SCN3B: variants seen among roughly 807,000 people sequenced by gnomAD.
The protein encoded by SCN3B is sodium voltage-gated channel beta subunit 3, also known as sodium channel regulatory subunit beta-3.
Under a neutral mutation model 25.4 loss-of-function variants are expected in SCN3B, and 11 were observed. That is an observed-to-expected ratio of 0.43 (90% confidence interval 0.27 to 0.72). SCN3B has a LOEUF of 0.72. Among genes scored for constraint, SCN3B ranks in the 30% least tolerant of loss-of-function variants. The probability of loss-of-function intolerance (pLI) is 0.18; values close to 1 mark genes in which losing one functional copy is unlikely to be tolerated. For missense variants in SCN3B, 218 were observed against 278.3 expected (o/e 0.78, Z 1.54); for synonymous variants, 109 against 110.7 (o/e 0.99, Z 0.09).
rs368979661 is a variant in SCN3B, at chr11:123,645,701, G to C, written c.105C>G (p.Ala35=). 1.9e-6 allele frequency: 3 copies of C among 1,613,962 alleles called. No individual in the cohort carries two copies. Among genetic ancestry groups the C allele is most frequent in the Non-Finnish European group, 2.5e-6 (3 of 1,180,010 alleles). Residue 35 remains alanine, a synonymous_variant, in exon 3 of 7, where the codon GCC becomes GCG. Transcript: ENST00000299333. The part of the protein sequence containing the change: ...VCVEVPSETE[A]VQGNPMKLRC... The stretch of plus-strand genomic sequence containing the variant: ...GCAGCTTCATGGGGTTGCCCTGCAC[G>C]GCCTCCGTCTCCGAGGGCACTTCCA...
rs1028020686 is a variant in SCN3B, at chr11:123,654,245, G to A, written c.-45C>T. The A allele has an allele frequency of 2.4e-5, 5 of 206,022 alleles. No individual in the cohort carries two copies. The highest frequency in any genetic ancestry group is 5.2e-5 in the Admixed American group (1 of 19,186). 12.8% of individuals were successfully genotyped at this position (206,022 alleles called of 1,614,324 possible). A position where few individuals can be genotyped will look rare whatever the true frequency, so the allele number is the denominator to read the frequency against. On this transcript the variant is annotated 5_prime_UTR_variant, in exon 1 of 7. Transcript: ENST00000299333. The stretch of plus-strand genomic sequence containing the variant: ...ATTCACCTCTCGCCTCCCCAGGATC[G>A]GTTGCGTTCCGACTGGAATCCTCCC...
intron 4 of SCN3B, chr11:123,640,523 AAAG>A (rs1955774939): frequency 6.6e-6 from 1 of 152,020 alleles, no homozygotes; most frequent in Non-Finnish European, 1.5e-5. Context: ...CAGAGGCAAA[AAAG>A]AAAAAGTGGC....
intron 2 of SCN3B, among the ~76,000 whole-genome samples, chr11:123,647,703 A>C (rs1382496990): frequency 1.3e-5 from 2 of 152,218 alleles, no homozygotes; most frequent in Admixed American, 1.3e-4. Context: ...TTTTATTTAG[A>C]GCTTAATAAG....
In SCN3B at chr11:123,634,191, G is replaced by A. The variant is rs756194670; in HGVS notation, c.600C>T (p.Ala200=). 1.2e-6 allele frequency: 2 copies of A among 1,613,746 alleles called. No homozygotes were observed. The highest frequency in any genetic ancestry group is 4.5e-5 in the East Asian group (2 of 44,864). The change falls in exon 6 of 7, where the codon GCC becomes GCT. Residue 200 remains alanine (A), a synonymous_variant. Transcript: ENST00000299333. Reference sequence around the variant, plus strand: ...AGTTCTCCTTGTTCTCAGATGGGATGGCAAGGTAGTCAGACCTATAGAGGA... The same window carrying A: ...AGTTCTCCTTGTTCTCAGATGGGATAGCAAGGTAGTCAGACCTATAGAGGA... The part of the protein sequence containing the change: ...AAQENASDYL[A]IPSENKENSA...
At chr11:123,651,434 G>T (rs1245162880) in intron 2 of SCN3B, among the ~76,000 whole-genome samples, 1 of 151,940 alleles carries the variant, frequency 6.6e-6, no homozygotes, top group East Asian at 1.9e-4. Flanking sequence ...CACAATCTTG[G>T]CTCACTGCAA....
Position 123,645,757 on chromosome 11 carries a change from A to G in SCN3B, c.56-7T>C. 1 of 1,614,070 alleles carries G rather than the reference A, an allele frequency of 6.2e-7. No homozygotes were observed. The highest frequency in any genetic ancestry group is 8.5e-7 in the Non-Finnish European group (1 of 1,180,004). Reference sequence around the variant, plus strand: ...ACAGGGAAGCAGACACTGACTGCAGAGAGGACAGATGGACAGGGAAGGAAC... The same window carrying G: ...ACAGGGAAGCAGACACTGACTGCAGGGAGGACAGATGGACAGGGAAGGAAC... On this transcript the variant is annotated splice_region_variant and splice_polypyrimidine_tract_variant and intron_variant, in intron 2 of 6. Coordinates refer to ENST00000299333, the MANE Select transcript of SCN3B (RefSeq NM_001040151.2).
chr11:123,647,066 A>G (rs558187067), intron 2 of SCN3B, among the ~76,000 whole-genome samples: 1 of 152,342 alleles, frequency 6.6e-6, no homozygotes, highest in Non-Finnish European at 1.5e-5. Context: ...CCTAAAAGTT[A>G]TAAGAAAAAA....
chr11:123,647,183 A>T (rs1040447812), intron 2 of SCN3B, among the ~76,000 whole-genome samples: 1 of 152,190 alleles, frequency 6.6e-6, no homozygotes, highest in African/African-American at 2.4e-5. Context: ...GGATATTTGA[A>T]AGTAAGACGA....
chr11:123,654,100 C>T, intron 1 of SCN3B, 126 bp downstream of exon 1: 1 of 517,200 alleles, frequency 1.9e-6, no homozygotes, highest in Non-Finnish European at 3.5e-6. Context: ...TCCCCGCCCA[C>T]CCCGGAACTC....
chr11:123,638,448 G>T, intron 4 of SCN3B, 124 bp from the exon 5 acceptor site: 1 of 1,339,224 alleles, frequency 7.5e-7, no homozygotes, highest in South Asian at 1.2e-5. Flanking sequence ...AGATGTCAAA[G>T]GTATTCCAAA....
intron 2 of SCN3B, among the ~76,000 whole-genome samples, chr11:123,652,320 A>G (rs1162189238): frequency 3.3e-5 from 5 of 151,972 alleles, no homozygotes; most frequent in Admixed American, 3.3e-4. Context: ...GGTCTGGTCT[A>G]CTCTACTGGG....
At chr11:123,644,836 T>C (rs1169271844) in intron 3 of SCN3B, among the ~76,000 whole-genome samples, 26 of 129,914 alleles carry the variant, frequency 2.0e-4, no homozygotes, top group South Asian at 1.1e-3. Context: ...TATATATATA[T>C]ATATACACAC....
intron 3 of SCN3B, among the ~76,000 whole-genome samples, chr11:123,644,633 A>G (rs1353507888): frequency 1.3e-5 from 2 of 151,772 alleles, no homozygotes; most frequent in Non-Finnish European, 2.9e-5. Flanking sequence ...TTAGCTGGGC[A>G]TGGTGGTGGT....
intron 2 of SCN3B, among the ~76,000 whole-genome samples, chr11:123,650,213 A>G (rs1446934597): frequency 6.6e-6 from 1 of 152,196 alleles, no homozygotes; most frequent in African/African-American, 2.4e-5. Context: ...TAATGATCAT[A>G]TTTCACTAGG....
chr11:123,653,890 T>C (rs1955961690), intron 1 of SCN3B, 64 bp from the exon 2 acceptor site: 1 of 1,447,398 alleles, frequency 6.9e-7, no homozygotes, highest in South Asian at 1.1e-5. Context: ...GGAAACCCTT[T>C]GGGACGAACT....
intron 3 of SCN3B, among the ~76,000 whole-genome samples, chr11:123,643,318 G>A (rs1955812307): frequency 6.6e-6 from 1 of 152,186 alleles, no homozygotes; most frequent in Admixed American, 6.5e-5. Context: ...GCTTTGGACT[G>A]AATTTTAACT....
chr11:123,637,048 G>A (rs138208157), intron 5 of SCN3B, among the ~76,000 whole-genome samples: 54 of 152,200 alleles, frequency 3.5e-4, no homozygotes, highest in African/African-American at 5.8e-4. Flanking sequence ...GACTGTTTTC[G>A]GTTTGCCTCA....
chr11:123,637,246 C>A (rs370077042), intron 5 of SCN3B, among the ~76,000 whole-genome samples: 1 of 152,148 alleles, frequency 6.6e-6, no homozygotes, highest in African/African-American at 2.4e-5. Context: ...TTAGAGTCCC[C>A]ACTCTGGACA....
Position 123,632,291 on chromosome 11 carries a change from T to C in SCN3B, c.*1508A>G, listed in dbSNP as rs886047895. ...ACATTTTTCTTAGTTTAAATATCAG[T>C]CTCAGATGCACTCTCCTTTTGGAGG... On this transcript the variant is annotated 3_prime_UTR_variant, in exon 7 of 7. Coordinates refer to ENST00000299333, the MANE Select transcript of SCN3B (RefSeq NM_001040151.2). 1.3e-5 allele frequency: 2 copies of C among 152,242 alleles called. No homozygotes were observed. The highest frequency in any genetic ancestry group is 3.8e-4 in the East Asian group (2 of 5,204). The allele number at this position is 152,242 out of a possible 1,614,324, so 9.4% of individuals were successfully genotyped here.
Sources: gnomAD v4.1 joint callset for allele counts (sites outside exome capture counted in the v4.1 genomes callset) on GRCh38, gnomAD v4.1.1 for gene constraint, MANE v1.5 for transcripts, NCBI Gene and HGNC (gene_info 2026-07-23, HGNC 2026-07-21) for gene names.